Variants in EIF2B3 observed in about 807,000 individuals in gnomAD.
The protein encoded by EIF2B3 is translation initiation factor eIF2B subunit gamma.
In EIF2B3, 20 loss-of-function variants were observed where a neutral mutation model predicts 54.1. The observed-to-expected ratio is 0.37, with a 90% CI of 0.26 to 0.54. The LOEUF (loss-of-function observed/expected upper bound fraction) is 0.54. Among genes scored for constraint, EIF2B3 ranks in the 20% least tolerant of loss-of-function variants. EIF2B3 has a pLI of 0.86. For synonymous variants in EIF2B3, 153 were observed against 188.1 expected, an observed-to-expected ratio of 0.81 and a Z score of 1.52; for missense variants, 448 against 547.8, an observed-to-expected ratio of 0.82 and a Z score of 1.82.
chr1:44,939,176 A>G (rs973450855), intron 4 of EIF2B3, among the ~76,000 whole-genome samples: 1 of 151,496 alleles, frequency 6.6e-6, no homozygotes, highest in Non-Finnish European at 1.5e-5. Context: ...TAATCTAATT[A>G]TGACACTATC....
chr1:44,924,969 G>GT (rs373128844), intron 5 of EIF2B3: 15 of 152,218 alleles, frequency 9.9e-5, no homozygotes, highest in African/African-American at 3.1e-4. Context: ...CTGCCCAGAT[G>GT]TTTTATTTGT....
intron 8 of EIF2B3, among the ~76,000 whole-genome samples, chr1:44,878,900 A>G (rs1188159090): frequency 1.3e-5 from 2 of 151,970 alleles, no homozygotes; most frequent in Non-Finnish European, 2.9e-5. Flanking sequence ...CTGGGACTAC[A>G]GCCACATGCC....
intron 10 of EIF2B3, among the ~76,000 whole-genome samples, chr1:44,871,111 G>C (rs1267566662): frequency 2.6e-5 from 4 of 152,206 alleles, no homozygotes; most frequent in Non-Finnish European, 5.9e-5. Flanking sequence ...TGCCAATCTT[G>C]CTCTTCCTCT....
At chr1:44,956,707 C>G (rs1009956559) in intron 3 of EIF2B3, among the ~76,000 whole-genome samples, 5 of 151,872 alleles carry the variant, frequency 3.3e-5, no homozygotes, top group Non-Finnish European at 1.5e-5. Flanking sequence ...ACTTAAATAA[C>G]AAGGGCAAAA....
chr1:44,913,601 T>C (rs1643560210), intron 5 of EIF2B3, among the ~76,000 whole-genome samples: 1 of 151,976 alleles, frequency 6.6e-6, no homozygotes, highest in South Asian at 2.1e-4. Flanking sequence ...AACTCCTGAG[T>C]GCAAGGGATC....
At chr1:44,957,092 C>T (rs1449815549) in intron 3 of EIF2B3, among the ~76,000 whole-genome samples, 1 of 152,122 alleles carries the variant, frequency 6.6e-6, no homozygotes, top group Non-Finnish European at 1.5e-5. Flanking sequence ...CATCCAGACC[C>T]TGTCTCCACA....
At chr1:44,972,012 A>T (rs1313260414) in intron 3 of EIF2B3, among the ~76,000 whole-genome samples, 4 of 152,122 alleles carry the variant, frequency 2.6e-5, no homozygotes, top group Non-Finnish European at 5.9e-5. Context: ...AGCCTGGGCA[A>T]CAGAGCAAGA....
At chr1:44,966,438 C>CAAAAAA (rs60200568) in intron 3 of EIF2B3, among the ~76,000 whole-genome samples, 4 of 85,938 alleles carry the variant, frequency 4.7e-5, no homozygotes, top group African/African-American at 9.0e-5. Flanking sequence ...GACTCTGTCT[C>CAAAAAA]AAAAAAAAAA....
At chr1:44,905,570 C>T (rs1351841320) in intron 5 of EIF2B3, among the ~76,000 whole-genome samples, 1 of 151,452 alleles carries the variant, frequency 6.6e-6, no homozygotes, top group Non-Finnish European at 1.5e-5. Flanking sequence ...TAGAAGTGGT[C>T]CTGGAAAAAA....
chr1:44,974,001 C>T (rs570029679), intron 3 of EIF2B3, among the ~76,000 whole-genome samples: 9 of 152,114 alleles, frequency 5.9e-5, no homozygotes, highest in African/African-American at 1.7e-4. Context: ...AAATAATCAG[C>T]GGTACTCCAG....
intron 5 of EIF2B3, among the ~76,000 whole-genome samples, chr1:44,905,087 C>T (rs1293805191): frequency 6.6e-6 from 1 of 152,158 alleles, no homozygotes; most frequent in Admixed American, 6.5e-5. Context: ...CTAACCATAC[C>T]ATCCCAATGC....
At chr1:44,916,022 T>C (rs80232536) in intron 5 of EIF2B3, among the ~76,000 whole-genome samples, 15,720 of 152,172 alleles carry the variant, frequency 0.1, 1,238 homozygotes, top group East Asian at 0.27. Context: ...TCTAGCAATG[T>C]TTTTTCTTCC....
chr1:44,984,797 CTT>C lies in EIF2B3; in HGVS notation c.-10+1694_-10+1695del, dbSNP rs71040529. On this transcript the variant is annotated intron_variant, in intron 1 of 11. Coordinates refer to ENST00000360403, the MANE Select transcript of EIF2B3 (RefSeq NM_020365.5). ...GTAAAGCAGACAAAATAATGTCCAT[CTT>C]TTTTTTTTTTTTTTTTTTGAGACGG... 9.8e-4 allele frequency among the ~76,000 whole-genome samples: 87 copies of C among 88,524 alleles called. 5 individuals carry two copies. In the Admixed American group the frequency reaches 0.011, roughly 11 times the overall value. The allele number at this position is 88,524 out of a possible 152,430, so 58.1% of individuals were successfully genotyped here. A position where few individuals can be genotyped will look rare whatever the true frequency, so the allele number is the denominator to read the frequency against.
At chr1:44,905,404 G>T (rs1278397971) in intron 5 of EIF2B3, among the ~76,000 whole-genome samples, 2 of 152,178 alleles carry the variant, frequency 1.3e-5, no homozygotes, top group African/African-American at 4.8e-5. Context: ...CTTTCTGACT[G>T]ATGGTCTGGC....
chr1:44,875,596 T>A (rs776601148), intron 9 of EIF2B3, 22 bp downstream of exon 9: 4 of 1,611,762 alleles, frequency 2.5e-6, no homozygotes, highest in Admixed American at 3.3e-5. Flanking sequence ...CTCATGCCCG[T>A]CCTGGCCACA....
At chr1:44,857,103 A>G (rs894232654) in intron 11 of EIF2B3, among the ~76,000 whole-genome samples, 1 of 152,192 alleles carries the variant, frequency 6.6e-6, no homozygotes, top group East Asian at 1.9e-4. Flanking sequence ...ATCACTGTAC[A>G]GTATTGGTGC....
At chr1:44,940,451 T>TA (rs11434805) in intron 4 of EIF2B3, among the ~76,000 whole-genome samples, 11,641 of 152,150 alleles carry the variant, frequency 0.077, 1,512 homozygotes, top group African/African-American at 0.27. Flanking sequence ...AAGTATGTTA[T>TA]AATCCTAGGA....
At chr1:44,947,880 C>CT (rs1553178008) in intron 3 of EIF2B3, among the ~76,000 whole-genome samples, 2 of 151,026 alleles carry the variant, frequency 1.3e-5, no homozygotes, top group Admixed American at 6.6e-5. Flanking sequence ...CTTTTCTTTT[C>CT]TTTTTTTTTA....
intron 6 of EIF2B3, among the ~76,000 whole-genome samples, chr1:44,888,345 A>T (rs983289154): frequency 6.6e-6 from 1 of 152,218 alleles, no homozygotes; most frequent in Non-Finnish European, 1.5e-5. Context: ...TTTGTGATGC[A>T]GCTTGGCCCC....
Sources: allele counts gnomAD v4.1 joint callset (sites outside exome capture counted in the v4.1 genomes callset), GRCh38; gene constraint gnomAD v4.1.1; transcripts MANE v1.5; gene names NCBI Gene and HGNC (gene_info 2026-07-23, HGNC 2026-07-21).